The following ZYG11B variants were observed in gnomAD, a reference collection of about 807,000 sequenced individuals.
The protein encoded by ZYG11B is protein zyg-11 homolog B.
Under a neutral mutation model 82.4 loss-of-function variants are expected in ZYG11B, and 36 were observed. The ratio of observed to expected loss-of-function variants is 0.44; its 90% CI spans 0.33 to 0.58. The LOEUF (loss-of-function observed/expected upper bound fraction) is 0.58. ZYG11B is among the 20% of genes least tolerant of loss of function. ZYG11B has a pLI of 0.02. For missense variants in ZYG11B, 552 were observed against 895.6 expected, an observed-to-expected ratio of 0.62 and a Z score of 4.90; for synonymous variants, 303 against 312.8, an observed-to-expected ratio of 0.97 and a Z score of 0.33.
chr1:52,793,868 T>TTCCTTCC (rs1644979935), intron 6 of ZYG11B, among the ~76,000 whole-genome samples: 31 of 95,428 alleles, frequency 3.2e-4, no homozygotes, highest in African/African-American at 1.2e-3. Flanking sequence ...CTTTTCTTTC[T>TTCCTTCC]TTCCTTCCTT....
Position 52,726,472 on chromosome 1 carries a change from G to A in ZYG11B, c.-182G>A. On this transcript the variant is annotated 5_prime_UTR_variant, in exon 1 of 14. Transcript: ENST00000294353. The stretch of plus-strand genomic sequence containing the variant: ...GGGGGCGGAGTCTGCGCTCTGGTTC[G>A]GGCTGCGGCTGCGGCTGCGGCTGCG... 1.9e-6 allele frequency: 1 copy of A among 529,486 alleles called. No individual in the cohort carries two copies. The highest frequency in any genetic ancestry group is 3.8e-5 in the East Asian group (1 of 26,606). The allele number at this position is 529,486 out of a possible 1,614,324, so 32.8% of individuals were successfully genotyped here. A position where few individuals can be genotyped will look rare whatever the true frequency, so the allele number is the denominator to read the frequency against.
intron 13 of ZYG11B, among the ~76,000 whole-genome samples, chr1:52,819,508 C>G (rs1645262736): frequency 6.6e-6 from 1 of 152,014 alleles, no homozygotes; most frequent in Admixed American, 6.6e-5. Flanking sequence ...GCATTTTTGG[C>G]TGGGCATGGT....
At chr1:52,760,918 A>T (rs1194076411) in intron 2 of ZYG11B, among the ~76,000 whole-genome samples, 6 of 151,626 alleles carry the variant, frequency 4.0e-5, no homozygotes, top group African/African-American at 1.5e-4. Context: ...GCCTGACACT[A>T]TGCACAGCTA....
chr1:52,783,851 CGT>C (rs112146298), intron 4 of ZYG11B, among the ~76,000 whole-genome samples: 589 of 50,860 alleles, frequency 0.012, 4 homozygotes, highest in East Asian at 0.037. Flanking sequence ...TGTACATACA[CGT>C]GTGTGTGTAT....
At chr1:52,734,718 A>G (rs1192471373) in intron 1 of ZYG11B, among the ~76,000 whole-genome samples, 3 of 146,770 alleles carry the variant, frequency 2.0e-5, no homozygotes, top group African/African-American at 8.1e-5. Flanking sequence ...CTCTCTGACC[A>G]ATTTTCTTTT....
intron 8 of ZYG11B, among the ~76,000 whole-genome samples, chr1:52,799,744 G>A (rs1024933720): frequency 2.0e-5 from 3 of 152,122 alleles, no homozygotes; most frequent in Non-Finnish European, 4.4e-5. Context: ...GCAGTGAGCC[G>A]AGACTGGGCC....
Position 52,726,510 on chromosome 1 carries a change from A to T in ZYG11B, c.-144A>T. 1.4e-6 allele frequency: 1 copy of T among 726,294 alleles called. No homozygotes were observed. The highest frequency in any genetic ancestry group is 1.9e-6 in the Non-Finnish European group (1 of 519,572). 45.0% of individuals were successfully genotyped at this position (726,294 alleles called of 1,614,324 possible). On this transcript the variant is annotated 5_prime_UTR_variant, in exon 1 of 14. Coordinates refer to ENST00000294353, the MANE Select transcript of ZYG11B (RefSeq NM_024646.3). ...GGCTGCGGCTGCGGCTGCTACTGCT[A>T]CGCTCCTAGCTTGAGGGAAAGAGGC...
chr1:52,802,113 A>G lies in ZYG11B; in HGVS notation c.1669A>G (p.Ile557Val). Residue 557 changes from isoleucine to valine, a missense_variant, in exon 10 of 14, where the codon ATT becomes GTT. Ile to Val is a conservative substitution (Grantham distance 29). Transcript: ENST00000294353. ...ACAGTCTTTCCCAACTGAGTCATCCATTCAGCAGAAAGTTCTAGGACTTTT... is the reference window on the plus strand; with the variant it reads ...ACAGTCTTTCCCAACTGAGTCATCCGTTCAGCAGAAAGTTCTAGGACTTTT... ...VLESFPTESSIQQKVLGLLNN... is the reference protein window; with the variant it reads ...VLESFPTESSVQQKVLGLLNN... 1.2e-6 allele frequency: 2 copies of G among 1,611,354 alleles called. No homozygotes were observed. The highest frequency in any genetic ancestry group is 1.3e-5 in the African/African-American group (1 of 74,930).
chr1:52,762,983 G>GA (rs1231499419), intron 2 of ZYG11B, among the ~76,000 whole-genome samples: 2 of 141,274 alleles, frequency 1.4e-5, no homozygotes, highest in Non-Finnish European at 3.1e-5. Flanking sequence ...GATTGGGGGG[G>GA]GGGGGTCTAG....
At chr1:52,743,914 T>C (rs1644455178) in intron 1 of ZYG11B, among the ~76,000 whole-genome samples, 2 of 151,746 alleles carry the variant, frequency 1.3e-5, no homozygotes, top group Non-Finnish European at 2.9e-5. Context: ...TCTATGCCTA[T>C]CCCTACTGTA....
At chr1:52,815,935 AAAATAAAT>A (rs374136919) in intron 12 of ZYG11B, among the ~76,000 whole-genome samples, 2 of 152,038 alleles carry the variant, frequency 1.3e-5, no homozygotes, top group Admixed American at 6.5e-5. Flanking sequence ...ACTCCGTATC[AAAATAAAT>A]AAATAAATAA....
chr1:52,735,469 A>G (rs1644371495), intron 1 of ZYG11B, among the ~76,000 whole-genome samples: 1 of 152,186 alleles, frequency 6.6e-6, no homozygotes, highest in South Asian at 2.1e-4. Flanking sequence ...ATGAAAGAAA[A>G]AGAAATTGTA....
intron 12 of ZYG11B, among the ~76,000 whole-genome samples, chr1:52,814,949 G>T (rs1316332572): frequency 6.6e-6 from 1 of 152,100 alleles, no homozygotes; most frequent in Non-Finnish European, 1.5e-5. Context: ...CTTCAATCCA[G>T]GAGTTCGAGA....
At chr1:52,817,777 G>GTGTGTGTATATATATATATA (rs1352242565) in intron 13 of ZYG11B, among the ~76,000 whole-genome samples, 2 of 41,540 alleles carry the variant, frequency 4.8e-5, no homozygotes, top group African/African-American at 1.2e-4. Context: ...ATATATATGT[G>GTGTGTGTATATATATATATA]TATATATATA....
intron 3 of ZYG11B, among the ~76,000 whole-genome samples, chr1:52,777,034 A>G (rs530319827): frequency 5.9e-5 from 9 of 152,158 alleles, no homozygotes; most frequent in African/African-American, 2.2e-4. Context: ...ACATGACGAA[A>G]TCCCGTCTCT....
At chr1:52,820,687 G>T (rs1361969046) in intron 13 of ZYG11B, among the ~76,000 whole-genome samples, 3 of 126,158 alleles carry the variant, frequency 2.4e-5, no homozygotes, top group African/African-American at 3.2e-5. Context: ...GATCACCCCA[G>T]CCTGGGCAAC....
intron 13 of ZYG11B, among the ~76,000 whole-genome samples, chr1:52,816,951 G>C (rs1645230364): frequency 6.6e-6 from 1 of 151,790 alleles, no homozygotes; most frequent in African/African-American, 2.4e-5. Flanking sequence ...ACCATGCCCG[G>C]CTAATTTTTG....
chr1:52,788,943 G>A (rs961737706), intron 5 of ZYG11B, among the ~76,000 whole-genome samples: 2 of 152,126 alleles, frequency 1.3e-5, no homozygotes, highest in African/African-American at 4.8e-5. Flanking sequence ...GGAGAAAAAT[G>A]GTGAAGGAGG....
At chr1:52,799,257 G>T (rs373288769) in intron 8 of ZYG11B, among the ~76,000 whole-genome samples, 3 of 152,052 alleles carry the variant, frequency 2.0e-5, no homozygotes, top group Non-Finnish European at 4.4e-5. Context: ...GGAGGCCGAG[G>T]CGGGTGGATC....
Sources: allele counts gnomAD v4.1 joint callset (sites outside exome capture counted in the v4.1 genomes callset), GRCh38; gene constraint gnomAD v4.1.1; transcripts MANE v1.5; gene names NCBI Gene and HGNC (gene_info 2026-07-23, HGNC 2026-07-21).